Variants in DENND1B observed in about 807,000 individuals in gnomAD.
The protein encoded by DENND1B is DENN domain-containing protein 1B.
In DENND1B, 59 loss-of-function variants were observed where a neutral mutation model predicts 90.1. That is an observed-to-expected ratio of 0.65 (90% CI 0.53 to 0.81). The LOEUF (loss-of-function observed/expected upper bound fraction) is 0.81. Ranked by LOEUF, DENND1B falls within the 40% of genes least tolerant of loss-of-function variation. DENND1B has a pLI of 0.00. For missense variants in DENND1B, 862 were observed against 912.6 expected (o/e 0.94, Z 0.71); for synonymous variants, 337 against 324.6 (o/e 1.04, Z -0.41).
At chr1:197,541,353 T>G (rs543200817) in intron 18 of DENND1B, among the ~76,000 whole-genome samples, 7 of 152,288 alleles carry the variant, frequency 4.6e-5, no homozygotes, top group Admixed American at 3.3e-4. Context: ...ACAGAGAAAG[T>G]ACATCCCCGC....
intron 5 of DENND1B, among the ~76,000 whole-genome samples, chr1:197,659,773 G>A (rs1419939472): frequency 1.3e-5 from 2 of 151,724 alleles, no homozygotes; most frequent in African/African-American, 2.4e-5. Context: ...CTGAAACACT[G>A]ATTTAACAGT....
intron 3 of DENND1B, among the ~76,000 whole-genome samples, chr1:197,686,035 A>T (rs1331745632): frequency 2.0e-5 from 3 of 152,170 alleles, no homozygotes; most frequent in African/African-American, 7.2e-5. Context: ...ACAGAAAGCC[A>T]TCAAAGAGCC....
intron 3 of DENND1B, among the ~76,000 whole-genome samples, chr1:197,696,361 AC>A (rs1658433033): frequency 6.6e-6 from 1 of 151,616 alleles, no homozygotes; most frequent in Admixed American, 6.6e-5. Context: ...TAATCATGTA[AC>A]ATATGCACTT....
intron 3 of DENND1B, among the ~76,000 whole-genome samples, chr1:197,696,121 A>G (rs959350067): frequency 4.0e-5 from 6 of 151,370 alleles, no homozygotes; most frequent in African/African-American, 9.7e-5. Context: ...ACAAAACTGT[A>G]TATAGTACTG....
At chr1:197,511,098 T>A in intron 22 of DENND1B, 126 bp from the exon 23 acceptor site, 1 of 1,035,778 alleles carries the variant, frequency 9.7e-7, no homozygotes, top group Non-Finnish European at 1.3e-6. Flanking sequence ...GCATTGAGAG[T>A]CAATTTTAAA....
intron 15 of DENND1B, among the ~76,000 whole-genome samples, chr1:197,573,519 A>G (rs537655189): frequency 6.6e-6 from 1 of 152,322 alleles, no homozygotes; most frequent in African/African-American, 2.4e-5. Context: ...ATTCTACCAG[A>G]GGCACAAAGA....
chr1:197,714,878 G>A (rs1190640863), intron 3 of DENND1B, among the ~76,000 whole-genome samples, 153 bp downstream of exon 3: 1 of 151,942 alleles, frequency 6.6e-6, no homozygotes, highest in Non-Finnish European at 1.5e-5. Flanking sequence ...CATATATTCC[G>A]CACACATGCA....
chr1:197,620,239 A>T (rs890389931), intron 10 of DENND1B, among the ~76,000 whole-genome samples: 5 of 151,272 alleles, frequency 3.3e-5, no homozygotes, highest in African/African-American at 1.2e-4. Context: ...TCTTTTACAG[A>T]TGATAGCAAA....
At chr1:197,516,444 A>G (rs1304332687) in intron 20 of DENND1B, among the ~76,000 whole-genome samples, 1 of 151,854 alleles carries the variant, frequency 6.6e-6, no homozygotes, top group Non-Finnish European at 1.5e-5. Context: ...ATTAAGGAGA[A>G]AGATAATCAT....
At chr1:197,554,661 A>G (rs10922252) in intron 15 of DENND1B, among the ~76,000 whole-genome samples, 69,439 of 150,072 alleles carry the variant, frequency 0.46, 18,705 homozygotes, top group East Asian at 0.66. Context: ...AACATGGTGA[A>G]ACTCCATCTC....
chr1:197,528,327 T>C (rs1280330080), intron 20 of DENND1B, among the ~76,000 whole-genome samples: 1 of 152,176 alleles, frequency 6.6e-6, no homozygotes, highest in Non-Finnish European at 1.5e-5. Flanking sequence ...TACTTGTAAG[T>C]CTCTGCATGC....
At chr1:197,544,922 G>GAA (rs1276465004) in intron 18 of DENND1B, among the ~76,000 whole-genome samples, 11 of 105,658 alleles carry the variant, frequency 1.0e-4, no homozygotes, top group African/African-American at 2.2e-4. Context: ...AAAAGAAGAA[G>GAA]AAAAGAGAAG....
chr1:197,770,837 AAT>A (rs1168889346), intron 2 of DENND1B, among the ~76,000 whole-genome samples: 4 of 96,978 alleles, frequency 4.1e-5, no homozygotes, highest in Non-Finnish European at 7.3e-5. Flanking sequence ...TATATCTATA[AAT>A]ATATATAAAT....
rs559861342 is a variant in DENND1B, at chr1:197,669,843, G to A, written c.296+2194C>T. ...AAAAGATAAAATATTCAATAATACT[G>A]TGAAATGTTCTCTTTATTGGAATAC... On this transcript the variant is annotated intron_variant, in intron 5 of 22. Transcript: ENST00000620048. Among the ~76,000 whole-genome samples, 109 of 152,080 alleles carry A rather than the reference G, an allele frequency of 7.2e-4. 1 individual carries two copies. Among genetic ancestry groups the A allele is most frequent in the African/African-American group, 2.4e-3 (99 of 41,508 alleles).
intron 20 of DENND1B, among the ~76,000 whole-genome samples, chr1:197,513,939 A>C (rs1668219576): frequency 6.6e-6 from 1 of 151,474 alleles, no homozygotes; most frequent in Non-Finnish European, 1.5e-5. Context: ...TCTTCCTTTG[A>C]TTTTGGCAAG....
At position 197,617,731 on chromosome 1, in the gene DENND1B, G is replaced by A; in HGVS notation, c.701C>T (p.Ala234Val). The change falls in exon 11 of 23, where the codon GCT (alanine) becomes GTT (valine). Residue 234 changes from alanine to valine, a missense_variant. By Grantham distance (64) the Ala-to-Val change is moderately conservative. Coordinates refer to ENST00000620048, the MANE Select transcript of DENND1B (RefSeq NM_001195215.2). ...TLTACIHGSA[A>V]LLYPMYWQHI... ...TTGCCAATACATTGGGTATAGAAGA[G>A]CAGCTGATCCATGGATACAGGCAGT... 1 of 1,607,520 alleles carries A rather than the reference G, an allele frequency of 6.2e-7. No individual in the cohort carries two copies. The highest frequency in any genetic ancestry group is 8.5e-7 in the Non-Finnish European group (1 of 1,175,416).
chr1:197,563,280 C>T (rs1672331073), intron 15 of DENND1B, among the ~76,000 whole-genome samples: 1 of 151,962 alleles, frequency 6.6e-6, no homozygotes, highest in Non-Finnish European at 1.5e-5. Context: ...GAAGTCAATG[C>T]CTGGCTTCAA....
At chr1:197,609,779 G>C (rs1218703854) in intron 12 of DENND1B, among the ~76,000 whole-genome samples, 2 of 149,836 alleles carry the variant, frequency 1.3e-5, no homozygotes, top group African/African-American at 4.9e-5. Context: ...AAACTCTCTT[G>C]ACCAAGAGAG....
rs867266762 is a variant in DENND1B at position 197,528,632 on chromosome 1, G to A, written c.1515+11332C>T. 3.9e-5 allele frequency among the ~76,000 whole-genome samples: 6 copies of A among 152,036 alleles called. 1 individual carries two copies. In the South Asian group the frequency reaches 6.2e-4, roughly 16 times the overall value. Reference sequence around the variant, plus strand: ...TCCCAGCACTTTGGGAGGCCGAGGCGGGCGGATCACGAGATCAGGAGATCG... The same window carrying A: ...TCCCAGCACTTTGGGAGGCCGAGGCAGGCGGATCACGAGATCAGGAGATCG... On this transcript the variant is annotated intron_variant, in intron 20 of 22. Transcript: ENST00000620048.
Sources: gnomAD v4.1 joint callset for allele counts (sites outside exome capture counted in the v4.1 genomes callset) on GRCh38, gnomAD v4.1.1 for gene constraint, MANE v1.5 for transcripts, NCBI Gene and HGNC (gene_info 2026-07-23, HGNC 2026-07-21) for gene names.